CIT: variants seen among roughly 807,000 people sequenced by gnomAD.
CIT encodes the protein citron rho-interacting serine/threonine kinase.
CIT carries 79 observed loss-of-function variants against 272.7 expected under a neutral mutation model. That is an observed-to-expected ratio of 0.29 (90% CI 0.24 to 0.35). CIT has a LOEUF of 0.35. Among genes scored for constraint, CIT ranks in the 10% least tolerant of loss-of-function variants. The pLI is 1.00. For missense variants in CIT, 1,909 were observed against 2,618.3 expected (o/e 0.73, Z 5.91); for synonymous variants, 948 against 995.6 (o/e 0.95, Z 0.90).
chr12:119,758,346 A>C (rs897360771), intron 21 of CIT, among the ~76,000 whole-genome samples: 1 of 152,216 alleles, frequency 6.6e-6, no homozygotes, highest in African/African-American at 2.4e-5. Context: ...AAATAGCCTC[A>C]TTAGAGAGAG....
At position 119,712,757 on chromosome 12, in the gene CIT, A is replaced by G. The variant is rs116261730; in HGVS notation, c.4580-62T>C. 1.9e-3 allele frequency: 2,682 copies of G among 1,384,920 alleles called. 38 individuals carry two copies. The African/African-American group carries it at 0.034, about 17-fold the overall frequency. The allele number at this position is 1,384,920 out of a possible 1,614,324, so 85.8% of individuals were successfully genotyped here. On this transcript the variant is annotated intron_variant, in intron 35 of 47. Coordinates refer to ENST00000392521, the MANE Select transcript of CIT (RefSeq NM_001206999.2). This position sits in a 1 kb window ranked among gnomAD's most constrained non-coding sequence, Gnocchi z 5.2. ...AGAACAGGAACAAGAACAAGGGGAGAAGAGAGAGCGAGAGAGACAGCAAGG... is the reference window on the plus strand; with the variant it reads ...AGAACAGGAACAAGAACAAGGGGAGGAGAGAGAGCGAGAGAGACAGCAAGG...
intron 39 of CIT, 32 bp from the exon 40 acceptor site, chr12:119,708,350 T>G (rs1024926752): frequency 6.7e-7 from 1 of 1,501,290 alleles, no homozygotes; most frequent in Non-Finnish European, 8.9e-7. Flanking sequence ...CTCTCGTCAG[T>G]GTGAAGCCGT....
chr12:119,836,388 G>A (rs7134583), intron 5 of CIT, among the ~76,000 whole-genome samples: 1 of 149,106 alleles, frequency 6.7e-6, no homozygotes, highest in Admixed American at 6.7e-5. Context: ...GTTCCTAGCA[G>A]ACATTAGTTA....
intron 16 of CIT, among the ~76,000 whole-genome samples, chr12:119,774,208 G>C (rs1393586678): frequency 1.3e-5 from 2 of 152,128 alleles, no homozygotes; most frequent in African/African-American, 4.8e-5. Flanking sequence ...GAGATTCATT[G>C]CCCAGTAATG....
chr12:119,843,054 G>A (rs760878801), intron 5 of CIT, among the ~76,000 whole-genome samples: 7 of 152,174 alleles, frequency 4.6e-5, no homozygotes, highest in African/African-American at 1.7e-4. Context: ...GTCTAGGAAG[G>A]GCTTCTGGAA....
chr12:119,688,695 G>A (rs1406720608), intron 47 of CIT, among the ~76,000 whole-genome samples: 1 of 152,242 alleles, frequency 6.6e-6, no homozygotes, highest in Non-Finnish European at 1.5e-5. Context: ...GCCATGCCCT[G>A]CCTGGGGGAG....
At chr12:119,822,486 A>C (rs1057358355) in intron 9 of CIT, among the ~76,000 whole-genome samples, 14 of 152,242 alleles carry the variant, frequency 9.2e-5, no homozygotes, top group African/African-American at 3.4e-4. Flanking sequence ...TATGTGAATG[A>C]AATACCTAGA....
In CIT at chr12:119,688,104, G is replaced by T. The variant is rs1955678163; in HGVS notation, c.*128C>A. ...GACAGGGGTGTCCGTGCCGAGGTGG[G>T]TCTGGGCCCCGCTGAGCCAGAGGGT... On this transcript the variant is annotated 3_prime_UTR_variant, in exon 48 of 48. Coordinates refer to ENST00000392521, the MANE Select transcript of CIT (RefSeq NM_001206999.2). 4.9e-6 allele frequency: 5 copies of T among 1,023,894 alleles called. No individual in the cohort carries two copies. The Admixed American group carries it at 8.8e-5, about 18-fold the overall frequency. 63.4% of individuals were successfully genotyped at this position (1,023,894 alleles called of 1,614,324 possible).
rs1422906168 is a variant in CIT, at chr12:119,697,933, C to T, written c.5702+43G>A. The T allele has an allele frequency of 6.2e-7, 1 of 1,613,282 alleles. No individual in the cohort carries two copies. Among genetic ancestry groups the T allele is most frequent in the African/African-American group, 1.3e-5 (1 of 74,886 alleles). On this transcript the variant is annotated intron_variant, in intron 45 of 47. Transcript: ENST00000392521. This position sits in a 1 kb window ranked among gnomAD's most constrained non-coding sequence, Gnocchi z 4.9. ...ACATGCGGCCGGCCCCAACACCTAC[C>T]CCAATAGCTGAAGTTTTCCACGCAT...
In CIT at chr12:119,718,388, T is replaced by G. The variant is rs1485347439; in HGVS notation, c.4025A>C (p.Asp1342Ala). Residue 1342 changes from aspartate (D) to alanine (A), a missense_variant, in exon 32 of 48, where the codon GAC becomes GCC. By Grantham distance (126) the Asp-to-Ala change is moderately radical. Coordinates refer to ENST00000392521, the MANE Select transcript of CIT (RefSeq NM_001206999.2). This position sits in a 1 kb window ranked among gnomAD's most constrained non-coding sequence, Gnocchi z 4.8. ...REEAAHRKAT[D>A]HPHPSTPATA... is the part of the protein sequence containing the mutation. ...GGCTGGCGTGGATGGGTGTGGGTGG[T>G]CCGTTGCTTTGCGGTGGGCAGCTGC... is the stretch of plus-strand genomic sequence containing the variant. 6.2e-7 allele frequency: 1 copy of G among 1,613,116 alleles called. No homozygotes were observed. Among genetic ancestry groups the G allele is most frequent in the Non-Finnish European group, 8.5e-7 (1 of 1,179,622 alleles).
chr12:119,689,872 G>A (rs574497846), intron 47 of CIT, among the ~76,000 whole-genome samples: 5 of 151,624 alleles, frequency 3.3e-5, no homozygotes, highest in Non-Finnish European at 5.9e-5. Context: ...GTAGAGACGG[G>A]GTTTCACCAC....
chr12:119,790,811 G>A (rs1335499965), intron 10 of CIT, among the ~76,000 whole-genome samples: 1 of 152,094 alleles, frequency 6.6e-6, no homozygotes, highest in Non-Finnish European at 1.5e-5. Context: ...GAATTATCCA[G>A]CCCAAAATGT....
At chr12:119,721,241 A>G in intron 29 of CIT, 68 bp downstream of exon 29, 2 of 1,441,640 alleles carry the variant, frequency 1.4e-6, no homozygotes, top group Non-Finnish European at 1.9e-6. Context: ...TGCTGGGATT[A>G]CAGGCATGAG....
rs1330420419 is a variant in CIT at position 119,718,610 on chromosome 12, C to T, written c.4003+89G>A. On this transcript the variant is annotated intron_variant, in intron 31 of 47. Transcript: ENST00000392521. The surrounding 1 kb of genome is among the most constrained non-coding windows in gnomAD (Gnocchi z 4.8). ...AGCGTATGGGCCATAAACGAAGACA[C>T]TGAGCTAGTTAGTCTTGGCTGATCT... The T allele has an allele frequency of 1.3e-6, 2 of 1,547,088 alleles. No homozygotes were observed. Among genetic ancestry groups the T allele is most frequent in the Non-Finnish European group, 1.8e-6 (2 of 1,131,988 alleles).
At position 119,804,722 on chromosome 12, in the gene CIT, T is replaced by C. The variant is rs886488267; in HGVS notation, c.1112-1333A>G. On this transcript the variant is annotated intron_variant, in intron 9 of 47. Transcript: ENST00000392521. This position sits in a 1 kb window ranked among gnomAD's most constrained non-coding sequence, Gnocchi z 5.3. ...ACATCCAAGTGGCGCTGGGAAGTAATTGGAGCAGGAAAGGGATGTGGAGGG... is the reference window on the plus strand; with the variant it reads ...ACATCCAAGTGGCGCTGGGAAGTAACTGGAGCAGGAAAGGGATGTGGAGGG... Among the ~76,000 whole-genome samples the C allele has an allele frequency of 1.3e-5, 2 of 152,092 alleles. No homozygotes were observed. The highest frequency in any genetic ancestry group is 2.1e-4 in the South Asian group (1 of 4,818).
intron 9 of CIT, among the ~76,000 whole-genome samples, chr12:119,818,028 C>T (rs561537032): frequency 6.6e-6 from 1 of 152,112 alleles, no homozygotes; most frequent in South Asian, 2.1e-4. Flanking sequence ...AATATTATTA[C>T]TAATAACAAT....
intron 2 of CIT, among the ~76,000 whole-genome samples, chr12:119,874,880 T>G (rs1167505146): frequency 4.9e-5 from 7 of 143,978 alleles, no homozygotes; most frequent in African/African-American, 1.9e-4. Context: ...GCGAAGACTC[T>G]GTCTCAAAAA....
At chr12:119,717,838 C>CTTTTTTTTTTTTTTTCT (rs1957602822) in intron 32 of CIT, among the ~76,000 whole-genome samples, 1 of 81,332 alleles carries the variant, frequency 1.2e-5, no homozygotes, top group Non-Finnish European at 2.3e-5. Context: ...TGACTTCTTT[C>CTTTTTTTTTTTTTTTCT]TTTTTTTTTT....
At position 119,712,295 on chromosome 12, in the gene CIT, G is replaced by A. The variant is rs760102332; in HGVS notation, c.4737C>T (p.Pro1579=). The change falls in exon 37 of 48, where the codon CCC becomes CCT. Residue 1579 remains proline (P), a synonymous_variant. Transcript: ENST00000392521. The surrounding 1 kb of genome is among the most constrained non-coding windows in gnomAD (Gnocchi z 5.2). The part of the protein sequence containing the change: ...MESHPHTTCW[P]GRTLYLLAPS... ...GAGCTAGCAAGTAGAGGGTTCTCCC[G>A]GGCCAGCAGGTGGTGTGCGGGTGAG... 1.3e-5 allele frequency: 21 copies of A among 1,614,012 alleles called. No individual in the cohort carries two copies. Among genetic ancestry groups the A allele is most frequent in the South Asian group, 6.6e-5 (6 of 91,080 alleles).
Sources: gnomAD v4.1 joint callset for allele counts (sites outside exome capture counted in the v4.1 genomes callset) on GRCh38, gnomAD v4.1.1 for gene constraint, Gnocchi (gnomAD v3.1) non-coding constraint, MANE v1.5 for transcripts, NCBI Gene and HGNC (gene_info 2026-07-23, HGNC 2026-07-21) for gene names.